The following CELF5 variants were observed in gnomAD, a reference collection of about 807,000 sequenced individuals.
CELF5 encodes the protein CUGBP Elav-like family member 5.
Under a neutral mutation model 54.9 loss-of-function variants are expected in CELF5, and 6 were observed. The observed-to-expected ratio is 0.11, with a 90% CI of 0.06 to 0.22. CELF5 has a LOEUF of 0.22. CELF5 is among the 10% of genes least tolerant of loss of function. CELF5 has a pLI of 1.00. For missense variants in CELF5, 401 were observed against 678.6 expected (o/e 0.59, Z 4.54); for synonymous variants, 271 against 290.9 (o/e 0.93, Z 0.70).
intron 1 of CELF5, among the ~76,000 whole-genome samples, chr19:3,230,351 A>G (rs1341797624): frequency 6.6e-6 from 1 of 152,152 alleles, no homozygotes; most frequent in Admixed American, 6.5e-5. Context: ...CATTTTATTT[A>G]TGCATTCACA....
At chr19:3,225,556 G>A in intron 1 of CELF5, 1 of 963,734 alleles carries the variant, frequency 1.0e-6, no homozygotes, top group Non-Finnish European at 1.2e-6. Context: ...TTTTCACAAA[G>A]CCAGGCCGGC....
In CELF5 at chr19:3,277,599, A is replaced by T. The variant is rs577667195; in HGVS notation, c.524-432A>T. On this transcript the variant is annotated intron_variant, in intron 4 of 12. Transcript: ENST00000292672. ...CATCACCACTATGTAATTCCAGAAC[A>T]TTCCACCCCCTCCCTCCACAATATG... Among the ~76,000 whole-genome samples the T allele has an allele frequency of 7.2e-5, 11 of 152,218 alleles. No homozygotes were observed. The East Asian group carries it at 2.1e-3, about 29-fold the overall frequency.
chr19:3,282,514 C>T lies in CELF5; in HGVS notation c.1039+16C>T. 6.2e-7 allele frequency: 1 copy of T among 1,606,782 alleles called. No individual in the cohort carries two copies. The highest frequency in any genetic ancestry group is 8.5e-7 in the Non-Finnish European group (1 of 1,176,694). On this transcript the variant is annotated intron_variant, in intron 8 of 12. Coordinates refer to ENST00000292672, the MANE Select transcript of CELF5 (RefSeq NM_021938.4). The surrounding 1 kb of genome is among the most constrained non-coding windows in gnomAD (Gnocchi z 5.2). ...CCCTACCCAGGTAAATTGGGGTCGT[C>T]CTCTGGGGCCTAGGAGAGTGGTGGG...
chr19:3,258,862 C>T (rs1319421344), intron 2 of CELF5, among the ~76,000 whole-genome samples: 1 of 151,836 alleles, frequency 6.6e-6, no homozygotes, highest in Non-Finnish European at 1.5e-5. Context: ...CCTCCCGCCT[C>T]GGCCTCCCAA....
rs899622358 is a variant in CELF5, at chr19:3,272,370, GA to G, written c.343-1493del. 8.1e-5 allele frequency among the ~76,000 whole-genome samples: 12 copies of G among 147,358 alleles called. 1 individual carries two copies. The East Asian group carries it at 1.8e-3, about 22-fold the overall frequency. On this transcript the variant is annotated intron_variant, in intron 2 of 12. Transcript: ENST00000292672. The stretch of plus-strand genomic sequence containing the variant: ...GCAACAGAGTGAGAGTCCGTCCCAA[GA>G]AAAAAAAAGAAAAAAAGAAAAGAAA...
At chr19:3,232,680 G>T (rs768607312) in intron 1 of CELF5, among the ~76,000 whole-genome samples, 7 of 150,796 alleles carry the variant, frequency 4.6e-5, no homozygotes, top group Admixed American at 4.0e-4. Context: ...AGTGCATCAC[G>T]CCTGTAATCC....
chr19:3,293,541 C>G, intron 12 of CELF5, 55 bp downstream of exon 12: 1 of 1,431,088 alleles, frequency 7.0e-7, no homozygotes, highest in East Asian at 2.4e-5. Flanking sequence ...GTCTGAAACC[C>G]CCTCCCGCGG....
At chr19:3,233,090 T>A (rs540281010) in intron 1 of CELF5, among the ~76,000 whole-genome samples, 259 of 147,806 alleles carry the variant, frequency 1.8e-3, no homozygotes, top group African/African-American at 3.6e-3. Flanking sequence ...AAATAAAAAT[T>A]AAAATTAAAA....
intron 11 of CELF5, among the ~76,000 whole-genome samples, chr19:3,292,126 T>A (rs1387160407): frequency 6.6e-6 from 1 of 151,980 alleles, no homozygotes; most frequent in East Asian, 1.9e-4. Context: ...TTTGTATTTT[T>A]AGTAGAAATG....
chr19:3,289,720 C>CAAAAAAAAAAAAAA (rs1568366316), intron 10 of CELF5, among the ~76,000 whole-genome samples: 1 of 111,834 alleles, frequency 8.9e-6, no homozygotes, highest in African/African-American at 3.1e-5. Flanking sequence ...AAAAAATTAG[C>CAAAAAAAAAAAAAA]AACGCATGGT....
At chr19:3,270,127 T>A (rs1016411399) in intron 2 of CELF5, among the ~76,000 whole-genome samples, 1 of 151,528 alleles carries the variant, frequency 6.6e-6, no homozygotes, top group Non-Finnish European at 1.5e-5. Context: ...TACCCTCAGC[T>A]CTCCCAGCTC....
At chr19:3,247,497 A>G (rs2079583834) in intron 1 of CELF5, among the ~76,000 whole-genome samples, 1 of 149,794 alleles carries the variant, frequency 6.7e-6, no homozygotes. Flanking sequence ...TGTGAACTCA[A>G]GTGATCCTCC....
intron 2 of CELF5, among the ~76,000 whole-genome samples, chr19:3,259,864 G>C (rs1599430797): frequency 6.7e-6 from 1 of 150,340 alleles, no homozygotes. Flanking sequence ...TCCAGAGAAC[G>C]ATCCGGCCCC....
intron 1 of CELF5, among the ~76,000 whole-genome samples, chr19:3,240,807 A>G (rs1031511965): frequency 3.3e-5 from 5 of 151,980 alleles, no homozygotes; most frequent in South Asian, 2.1e-4. Context: ...TGGAGGGGAC[A>G]GGAGTGTCAG....
At chr19:3,247,895 A>G (rs2079590266) in intron 1 of CELF5, among the ~76,000 whole-genome samples, 1 of 151,728 alleles carries the variant, frequency 6.6e-6, no homozygotes, top group Non-Finnish European at 1.5e-5. Context: ...CCGAGTAGCT[A>G]GAATAGCAGG....
At chr19:3,261,139 G>T (rs982202016) in intron 2 of CELF5, among the ~76,000 whole-genome samples, 1 of 152,082 alleles carries the variant, frequency 6.6e-6, no homozygotes, top group Admixed American at 6.6e-5. Context: ...AAATGTCCAG[G>T]TCGGGTGCAG....
intron 1 of CELF5, among the ~76,000 whole-genome samples, chr19:3,226,440 TCACA>T (rs71164666): frequency 7.2e-4 from 86 of 118,960 alleles, no homozygotes; most frequent in African/African-American, 2.5e-3. Flanking sequence ...AAACCAACCA[TCACA>T]CACACACACA....
chr19:3,284,985 C>A, intron 9 of CELF5, 21 bp downstream of exon 9: 2 of 1,591,896 alleles, frequency 1.3e-6, no homozygotes, highest in Non-Finnish European at 1.7e-6. Context: ...GCCCGCGTGC[C>A]CGCGCTGGGC....
At chr19:3,285,353 C>T (rs2080222747) in intron 9 of CELF5, among the ~76,000 whole-genome samples, 2 of 148,498 alleles carry the variant, frequency 1.3e-5, no homozygotes. Flanking sequence ...CCCTCACTTC[C>T]TGCCTTTACT....
Sources: allele counts gnomAD v4.1 joint callset (sites outside exome capture counted in the v4.1 genomes callset), GRCh38; gene constraint gnomAD v4.1.1; non-coding constraint Gnocchi (gnomAD v3.1); transcripts MANE v1.5; gene names NCBI Gene and HGNC (gene_info 2026-07-23, HGNC 2026-07-21).